Variants in TM4SF18 observed in about 807,000 individuals in gnomAD.
TM4SF18 encodes the protein transmembrane 4 L6 family member 18.
A neutral mutation model predicts 23.8 loss-of-function variants in TM4SF18; 22 were observed. The observed-to-expected ratio is 0.92, with a 90% confidence interval of 0.66 to 1.32. TM4SF18 has a LOEUF of 1.32. Among genes scored for constraint, TM4SF18 ranks in the 40% most tolerant of loss-of-function variants. TM4SF18 has a pLI of 0.00. For missense variants in TM4SF18, 255 were observed against 240.3 expected (o/e 1.06, Z -0.41); for synonymous variants, 87 against 87.9 (o/e 0.99, Z 0.06).
Position 149,321,321 on chromosome 3 carries a change from G to GTA in TM4SF18, c.*155_*156dup, listed in dbSNP as rs1171935127. 3 of 474,584 alleles carry GTA rather than the reference G, an allele frequency of 6.3e-6. No individual in the cohort carries two copies. Among genetic ancestry groups the GTA allele is most frequent in the Non-Finnish European group, 1.2e-5 (3 of 259,120 alleles). 29.4% of individuals were successfully genotyped at this position (474,584 alleles called of 1,614,324 possible). A position where few individuals can be genotyped will look rare whatever the true frequency, so the allele number is the denominator to read the frequency against. On this transcript the variant is annotated 3_prime_UTR_variant, in exon 6 of 6. Transcript: ENST00000296059. ...AAAAAACATACTAAATGGAAGGGTG[G>GTA]TATACTTGCATGTGCAGTGAGGACT... is the stretch of plus-strand genomic sequence containing the variant.
At position 149,330,384 on chromosome 3, in the gene TM4SF18, C is replaced by T. The variant is rs1340782949; in HGVS notation, c.213G>A (p.Glu71=). ...GGCAACATTTATAGTTGTTATTATT[C>T]TCCAGTACCAGAAGAACTGTTGTTA... ...LIVTTVLLVL[E]NNNNYKCCQS... The change falls in exon 3 of 6, where the codon GAG becomes GAA. Residue 71 remains glutamate (E), a synonymous_variant. Transcript: ENST00000296059. 1 of 1,609,496 alleles carries T rather than the reference C, an allele frequency of 6.2e-7. No individual in the cohort carries two copies. The highest frequency in any genetic ancestry group is 8.5e-7 in the Non-Finnish European group (1 of 1,177,580).
Position 149,330,413 on chromosome 3 carries a change from T to A in TM4SF18, c.184A>T (p.Ile62Leu). 6.3e-7 allele frequency: 1 copy of A among 1,593,254 alleles called. No homozygotes were observed. The highest frequency in any genetic ancestry group is 8.6e-7 in the Non-Finnish European group (1 of 1,164,738). ...GICFSGIMMLIVTTVLLVLEN... is the reference protein window; with the variant it reads ...GICFSGIMMLLVTTVLLVLEN... ...AGTACCAGAAGAACTGTTGTTACTATAAGCATCTATAGGAGGGAAGACATA... is the reference window on the plus strand; with the variant it reads ...AGTACCAGAAGAACTGTTGTTACTAAAAGCATCTATAGGAGGGAAGACATA... The change falls in exon 3 of 6, where the codon ATA becomes TTA. Residue 62 changes from isoleucine (I) to leucine (L), a missense_variant. Physicochemically the swap from Ile to Leu is conservative, Grantham distance 5. Transcript: ENST00000296059.
At chr3:149,325,253 C>G (rs1472146020) in intron 3 of TM4SF18, among the ~76,000 whole-genome samples, 1 of 151,920 alleles carries the variant, frequency 6.6e-6, no homozygotes, top group Admixed American at 6.6e-5. Flanking sequence ...AGGTAATTTA[C>G]TAAATTTATT....
At chr3:149,333,474 C>CTTTA in intron 1 of TM4SF18, 39 bp downstream of exon 1, 1 of 500,852 alleles carries the variant, frequency 2.0e-6, no homozygotes, top group Non-Finnish European at 2.7e-6. Context: ...TTTTTTCTCT[C>CTTTA]TCTCTCTCTT....
chr3:149,321,473 CT>C lies in TM4SF18; in HGVS notation c.*4del. 6.4e-7 allele frequency: 1 copy of C among 1,569,610 alleles called. No homozygotes were observed. Among genetic ancestry groups the C allele is most frequent in the Admixed American group, 1.8e-5 (1 of 55,388 alleles). On this transcript the variant is annotated 3_prime_UTR_variant, in exon 6 of 6. Transcript: ENST00000296059. Reference sequence around the variant, plus strand: ...TCTTGATAATGGAAAACATTTTGTCCTTATTCAAATGATTCCAGGCTATAGG... The same window carrying C: ...TCTTGATAATGGAAAACATTTTGTCCTATTCAAATGATTCCAGGCTATAGG...
Position 149,329,224 on chromosome 3 carries a change from CT to C in TM4SF18, c.267+1105del, listed in dbSNP as rs1731031104. Among the ~76,000 whole-genome samples, 2 of 151,652 alleles carry C rather than the reference CT, an allele frequency of 1.3e-5. 1 individual carries two copies. Among genetic ancestry groups the C allele is most frequent in the South Asian group, 4.2e-4 (2 of 4,800 alleles). On this transcript the variant is annotated intron_variant, in intron 3 of 5. Coordinates refer to ENST00000296059, the MANE Select transcript of TM4SF18 (RefSeq NM_138786.4). ...AGTGTATTTTAAATTTTCAATTCTT[CT>C]CCATAAGGGACACAGTACTAAATAA...
intron 4 of TM4SF18, among the ~76,000 whole-genome samples, chr3:149,322,905 C>CTTTTTTTTTTTTTTTT (rs34338382): frequency 4.7e-5 from 6 of 128,762 alleles, no homozygotes; most frequent in Non-Finnish European, 1.0e-4. Flanking sequence ...GGCCTCCAGA[C>CTTTTTTTTTTTTTTTT]TTTTTTTTTT....
intron 2 of TM4SF18, among the ~76,000 whole-genome samples, chr3:149,330,809 C>T (rs2108363033): frequency 6.6e-6 from 1 of 152,288 alleles, no homozygotes; most frequent in East Asian, 1.9e-4. Context: ...GAAAATCATT[C>T]AGCAGGCTTG....
At position 149,320,699 on chromosome 3, in the gene TM4SF18, A is replaced by G. The variant is rs1392857567; in HGVS notation, c.*779T>C. 1 of 152,232 alleles carries G rather than the reference A, an allele frequency of 6.6e-6. No individual in the cohort carries two copies. Among genetic ancestry groups the G allele is most frequent in the Non-Finnish European group, 1.5e-5 (1 of 68,048 alleles). The allele number at this position is 152,232 out of a possible 1,614,324, so 9.4% of individuals were successfully genotyped here. A position where few individuals can be genotyped will look rare whatever the true frequency, so the allele number is the denominator to read the frequency against. ...TGCAAATAATGTTGAGGAATGTGGA[A>G]AGAGCATATGCCTTAAAGTTTGGAA... On this transcript the variant is annotated 3_prime_UTR_variant, in exon 6 of 6. Coordinates refer to ENST00000296059, the MANE Select transcript of TM4SF18 (RefSeq NM_138786.4).
At chr3:149,327,685 A>G (rs921748723) in intron 3 of TM4SF18, among the ~76,000 whole-genome samples, 1 of 152,222 alleles carries the variant, frequency 6.6e-6, no homozygotes, top group Admixed American at 6.5e-5. Context: ...GATTTTAGGA[A>G]TAAAAATCAT....
chr3:149,330,570 T>A (rs566955171), intron 2 of TM4SF18, 151 bp from the exon 3 acceptor site: 84 of 542,478 alleles, frequency 1.5e-4, no homozygotes, highest in African/African-American at 1.3e-3. Flanking sequence ...TGTGTGAATT[T>A]GAGACACCTT....
chr3:149,321,687 TAA>T (rs1353464209), intron 5 of TM4SF18, among the ~76,000 whole-genome samples, 195 bp from the exon 6 acceptor site: 2 of 152,224 alleles, frequency 1.3e-5, no homozygotes, highest in Non-Finnish European at 2.9e-5. Flanking sequence ...TCTAAATTCA[TAA>T]TTTTTCTTCA....
At chr3:149,325,814 C>A (rs1165528333) in intron 3 of TM4SF18, among the ~76,000 whole-genome samples, 1 of 152,108 alleles carries the variant, frequency 6.6e-6, no homozygotes, top group Non-Finnish European at 1.5e-5. Context: ...GGGCAAGGGA[C>A]TTCCCTCCTC....
At chr3:149,327,896 T>C (rs1576833193) in intron 3 of TM4SF18, among the ~76,000 whole-genome samples, 2 of 152,174 alleles carry the variant, frequency 1.3e-5, no homozygotes, top group Admixed American at 1.3e-4. Flanking sequence ...ACTATCAAGG[T>C]AAGCCTCAAA....
chr3:149,321,404 C>G lies in TM4SF18; in HGVS notation c.*74G>C, dbSNP rs962293763. On this transcript the variant is annotated 3_prime_UTR_variant, in exon 6 of 6. Transcript: ENST00000296059. ...AAAGCACCATCATTTCAATATTGCC[C>G]TCAAGTCTACACAGTTGATATAATA... is the stretch of plus-strand genomic sequence containing the variant. 1 of 1,179,582 alleles carries G rather than the reference C, an allele frequency of 8.5e-7. No individual in the cohort carries two copies. Among genetic ancestry groups the G allele is most frequent in the African/African-American group, 1.6e-5 (1 of 63,312 alleles). The allele number at this position is 1,179,582 out of a possible 1,614,324, so 73.1% of individuals were successfully genotyped here. A position where few individuals can be genotyped will look rare whatever the true frequency, so the allele number is the denominator to read the frequency against.
chr3:149,330,539 C>T, intron 2 of TM4SF18, 120 bp from the exon 3 acceptor site: 1 of 583,588 alleles, frequency 1.7e-6, no homozygotes. Context: ...GATTTGAATC[C>T]AAGCTCTGTC....
At chr3:149,327,735 A>G (rs1730985160) in intron 3 of TM4SF18, among the ~76,000 whole-genome samples, 2 of 152,196 alleles carry the variant, frequency 1.3e-5, no homozygotes, top group African/African-American at 4.8e-5. Context: ...TTCACTGAGT[A>G]TGACATTAAT....
rs1730741069 is a variant in TM4SF18 at position 149,319,061 on chromosome 3, C to T, written c.*2417G>A. On this transcript the variant is annotated 3_prime_UTR_variant, in exon 6 of 6. Transcript: ENST00000296059. ...AATTTAATTTTCCTGATAGAGGTAT[C>T]ATGCTGCATTTGGCTGTACCCCTGA... 1 of 152,256 alleles carries T rather than the reference C, an allele frequency of 6.6e-6. No individual in the cohort carries two copies. Among genetic ancestry groups the T allele is most frequent in the African/African-American group, 2.4e-5 (1 of 41,548 alleles). 9.4% of individuals were successfully genotyped at this position (152,256 alleles called of 1,614,324 possible). A position where few individuals can be genotyped will look rare whatever the true frequency, so the allele number is the denominator to read the frequency against.
At chr3:149,323,296 A>G (rs1576830941) in intron 4 of TM4SF18, among the ~76,000 whole-genome samples, 1 of 152,224 alleles carries the variant, frequency 6.6e-6, no homozygotes, top group South Asian at 2.1e-4. Flanking sequence ...TGGAACCTGT[A>G]AAGTACAATA....
Sources: gnomAD v4.1 joint callset for allele counts (sites outside exome capture counted in the v4.1 genomes callset) on GRCh38, gnomAD v4.1.1 for gene constraint, MANE v1.5 for transcripts, NCBI Gene and HGNC (gene_info 2026-07-23, HGNC 2026-07-21) for gene names.